The following DRAM1 variants were observed in gnomAD, a reference collection of about 807,000 sequenced individuals.
The protein encoded by DRAM1 is DNA damage-regulated autophagy modulator protein 1.
Under a neutral mutation model 28.5 loss-of-function variants are expected in DRAM1, and 25 were observed. The observed-to-expected ratio is 0.88, with a 90% CI of 0.64 to 1.23. The LOEUF (loss-of-function observed/expected upper bound fraction) is 1.23, where lower values mean the gene tolerates loss of function less well. Among genes scored for constraint, DRAM1 ranks in the 50% most tolerant of loss-of-function variants. The pLI, the probability that DRAM1 is intolerant of heterozygous loss-of-function variation, is 0.00. For synonymous variants in DRAM1, 113 were observed against 114.2 expected, an observed-to-expected ratio of 0.99 and a Z score of 0.07; for missense variants, 249 against 299.2, an observed-to-expected ratio of 0.83 and a Z score of 1.24.
chr12:101,919,358 A>G (rs1426174422), intron 5 of DRAM1, among the ~76,000 whole-genome samples: 2 of 151,648 alleles, frequency 1.3e-5, no homozygotes, highest in Non-Finnish European at 2.9e-5. Flanking sequence ...TTATTTTCCC[A>G]TGGAATTGAG....
intron 1 of DRAM1, among the ~76,000 whole-genome samples, chr12:101,895,185 G>GGTTTTTTTTTTTTTT (rs1873299593): frequency 9.7e-6 from 1 of 102,910 alleles, no homozygotes; most frequent in Non-Finnish European, 1.8e-5. Flanking sequence ...AAACCCTTCA[G>GGTTTTTTTTTTTTTT]GTTTTTTTTT....
At position 101,877,590 on chromosome 12, in the gene DRAM1, G is replaced by GGCAGCCTCGCCGCCC. The variant is rs1872526926; in HGVS notation, c.-189_-175dup. 3.4e-6 allele frequency: 1 copy of GGCAGCCTCGCCGCCC among 297,086 alleles called. No homozygotes were observed. Among genetic ancestry groups the GGCAGCCTCGCCGCCC allele is most frequent in the Non-Finnish European group, 6.1e-6 (1 of 164,956 alleles). 18.4% of individuals were successfully genotyped at this position (297,086 alleles called of 1,614,324 possible). ...GCCCGCGCCCCACCCACTCTGGCCC[G>GGCAGCCTCGCCGCCC]GCAGCCTCGCCGCCCGCAGCCTCGC... On this transcript the variant is annotated 5_prime_UTR_variant, in exon 1 of 7. Transcript: ENST00000258534. This position sits in a 1 kb window ranked among gnomAD's most constrained non-coding sequence, Gnocchi z 4.1.
intron 4 of DRAM1, among the ~76,000 whole-genome samples, chr12:101,909,522 C>A (rs1021255847): frequency 6.6e-6 from 1 of 152,158 alleles, no homozygotes; most frequent in African/African-American, 2.4e-5. Context: ...AGGCTAAACT[C>A]TCCCCCTCCC....
intron 1 of DRAM1, among the ~76,000 whole-genome samples, chr12:101,879,569 C>T (rs1434512286): frequency 6.6e-6 from 1 of 152,144 alleles, no homozygotes; most frequent in Non-Finnish European, 1.5e-5. Flanking sequence ...GCGTGAGCCA[C>T]CACGCCTGGC....
intron 5 of DRAM1, among the ~76,000 whole-genome samples, chr12:101,915,074 G>T (rs897584922): frequency 6.6e-6 from 1 of 151,766 alleles, no homozygotes; most frequent in Admixed American, 6.6e-5. Flanking sequence ...CTGCCTCCCG[G>T]GTTCATGCCA....
At chr12:101,880,752 T>TGAAATGGGAGACATTCA (rs1364394144) in intron 1 of DRAM1, among the ~76,000 whole-genome samples, 1 of 152,178 alleles carries the variant, frequency 6.6e-6, no homozygotes, top group Non-Finnish European at 1.5e-5. Flanking sequence ...AAGGTGAACT[T>TGAAATGGGAGACATTCA]GAAATGGGAG....
intron 1 of DRAM1, among the ~76,000 whole-genome samples, chr12:101,894,792 G>T (rs1369645485): frequency 6.6e-6 from 1 of 152,024 alleles, no homozygotes; most frequent in East Asian, 1.9e-4. Flanking sequence ...TTCTTTCATT[G>T]CCTTCCCTTT....
chr12:101,880,099 G>A (rs1421843946), intron 1 of DRAM1, among the ~76,000 whole-genome samples: 2 of 151,934 alleles, frequency 1.3e-5, no homozygotes, highest in Non-Finnish European at 2.9e-5. Context: ...CCAGTCTGTG[G>A]TGTGGTGGTG....
intron 1 of DRAM1, among the ~76,000 whole-genome samples, chr12:101,890,392 G>A (rs895656000): frequency 4.5e-5 from 2 of 44,486 alleles, no homozygotes; most frequent in African/African-American, 3.9e-4. Flanking sequence ...ATTTTTTTTG[G>A]TCCTTGTAGC....
intron 1 of DRAM1, among the ~76,000 whole-genome samples, chr12:101,895,198 T>TTTGTTTTTTTTTTTTTTTTTG (rs1404559516): frequency 7.8e-6 from 1 of 128,772 alleles, no homozygotes; most frequent in Non-Finnish European, 1.6e-5. Flanking sequence ...TTTTTTTTTT[T>TTTGTTTTTTTTTTTTTTTTTG]TTTTTTTTTT....
chr12:101,888,227 T>G (rs1394450603), intron 1 of DRAM1, among the ~76,000 whole-genome samples: 1 of 152,082 alleles, frequency 6.6e-6, no homozygotes, highest in Non-Finnish European at 1.5e-5. Flanking sequence ...CCTCCTGGGT[T>G]CAAGTGATTC....
chr12:101,901,021 T>C (rs1016752565), intron 2 of DRAM1, among the ~76,000 whole-genome samples: 21 of 151,132 alleles, frequency 1.4e-4, no homozygotes, highest in Non-Finnish European at 2.2e-4. Context: ...AAAAAGCAAG[T>C]CACAGAGTAA....
At chr12:101,903,766 A>G (rs1216312500) in intron 3 of DRAM1, among the ~76,000 whole-genome samples, 1 of 152,124 alleles carries the variant, frequency 6.6e-6, no homozygotes, top group Non-Finnish European at 1.5e-5. Flanking sequence ...GTGTAAACAT[A>G]CATCAAAACA....
At chr12:101,920,002 C>T in intron 5 of DRAM1, 107 bp from the exon 6 acceptor site, 2 of 677,996 alleles carry the variant, frequency 2.9e-6, no homozygotes, top group Non-Finnish European at 4.7e-6. Context: ...CTGACTTATG[C>T]TCACTGGACA....
chr12:101,886,039 G>T (rs936848232), intron 1 of DRAM1, among the ~76,000 whole-genome samples: 2 of 152,134 alleles, frequency 1.3e-5, no homozygotes, highest in South Asian at 2.1e-4. Flanking sequence ...AACCTTGTTA[G>T]TTTCCTCCTC....
chr12:101,918,245 C>T (rs747883602), intron 5 of DRAM1, among the ~76,000 whole-genome samples: 3 of 152,236 alleles, frequency 2.0e-5, no homozygotes, highest in Non-Finnish European at 2.9e-5. Context: ...TATAATGTCA[C>T]TGTCTCATTT....
chr12:101,894,353 G>A (rs1254302356), intron 1 of DRAM1, among the ~76,000 whole-genome samples: 1 of 152,116 alleles, frequency 6.6e-6, no homozygotes, highest in Non-Finnish European at 1.5e-5. Flanking sequence ...CTAACCCGAA[G>A]TGATCCACCC....
Position 101,909,162 on chromosome 12 carries a change from GA to G in DRAM1, c.520+800del, listed in dbSNP as rs1873941081. 7.9e-5 allele frequency among the ~76,000 whole-genome samples: 12 copies of G among 151,744 alleles called. No individual in the cohort carries two copies. The Admixed American group carries it at 7.9e-4, about 10-fold the overall frequency. On this transcript the variant is annotated intron_variant, in intron 4 of 6. Coordinates refer to ENST00000258534, the MANE Select transcript of DRAM1 (RefSeq NM_018370.3). ...TGTAATCCCAGCTACTTGGGAGGCT[GA>G]GGCAGGAGAATCGCTTGAACCCGGG...
chr12:101,891,525 A>G (rs1393630598), intron 1 of DRAM1, among the ~76,000 whole-genome samples: 1 of 152,226 alleles, frequency 6.6e-6, no homozygotes, highest in Non-Finnish European at 1.5e-5. Flanking sequence ...AACATCATAA[A>G]TTAGTTTGAA....
Sources: allele counts gnomAD v4.1 joint callset (sites outside exome capture counted in the v4.1 genomes callset), GRCh38; gene constraint gnomAD v4.1.1; non-coding constraint Gnocchi (gnomAD v3.1); transcripts MANE v1.5; gene names NCBI Gene and HGNC (gene_info 2026-07-23, HGNC 2026-07-21).